The following RBFOX1 variants were observed in gnomAD, a reference collection of about 807,000 sequenced individuals.
The protein encoded by RBFOX1 is RNA binding protein fox-1 homolog 1.
A neutral mutation model predicts 57.7 loss-of-function variants in RBFOX1; 8 were observed. That is an observed-to-expected ratio of 0.14 (90% CI 0.08 to 0.25). The LOEUF (loss-of-function observed/expected upper bound fraction) is 0.25. Ranked by LOEUF, RBFOX1 falls within the 10% of genes least tolerant of loss-of-function variation. RBFOX1 has a pLI of 1.00. For missense variants in RBFOX1, 611 were observed against 548.5 expected (o/e 1.11, Z -1.14); for synonymous variants, 326 against 222.4 (o/e 1.47, Z -4.15).
chr16:6,777,110 G>T (rs2079508755), intron 3 of RBFOX1, among the ~76,000 whole-genome samples: 1 of 152,108 alleles, frequency 6.6e-6, no homozygotes, highest in African/African-American at 2.4e-5. Context: ...TAAAATACGA[G>T]TCTTGGGATT....
intron 1 of RBFOX1, among the ~76,000 whole-genome samples, chr16:5,255,254 C>G (rs1596315374): frequency 6.6e-6 from 1 of 151,926 alleles, no homozygotes; most frequent in South Asian, 2.1e-4. Flanking sequence ...TCACTCAATT[C>G]TTTGGAGGAC....
chr16:6,442,476 G>C (rs1474726795), intron 2 of RBFOX1, among the ~76,000 whole-genome samples: 1 of 151,988 alleles, frequency 6.6e-6, no homozygotes, highest in Non-Finnish European at 1.5e-5. Context: ...AGAATCGCTT[G>C]AGCCTGGGAA....
intron 3 of RBFOX1, among the ~76,000 whole-genome samples, chr16:5,866,575 G>T (rs186170387): frequency 2.9e-4 from 44 of 152,316 alleles, no homozygotes; most frequent in African/African-American, 8.9e-4. Flanking sequence ...GATGAACAAT[G>T]TTGGGAGGTG....
In RBFOX1 at chr16:5,798,647, A is replaced by G. The variant is rs189383226; in HGVS notation, c.319-68656A>G. ...CTCACCTATATGCCTGTCTCCATGA[A>G]ATATATGTGTGTCAAATGGGACTTA... On this transcript the variant is annotated intron_variant, in intron 3 of 19. Transcript: ENST00000641259. Among the ~76,000 whole-genome samples, 8 of 152,298 alleles carry G rather than the reference A, an allele frequency of 5.3e-5. No individual in the cohort carries two copies. In the East Asian group the frequency reaches 1.5e-3, roughly 29 times the overall value.
At chr16:6,916,231 C>G (rs867825107) in intron 3 of RBFOX1, among the ~76,000 whole-genome samples, 2 of 152,104 alleles carry the variant, frequency 1.3e-5, no homozygotes, top group South Asian at 2.1e-4. Context: ...TGGGACTGAT[C>G]AGAAGTCAAT....
At chr16:5,693,189 C>A (rs995396274) in intron 3 of RBFOX1, among the ~76,000 whole-genome samples, 1 of 152,084 alleles carries the variant, frequency 6.6e-6, no homozygotes. Context: ...GATGATACAT[C>A]TCTTCTCTCC....
intron 4 of RBFOX1, among the ~76,000 whole-genome samples, chr16:7,379,225 G>A (rs2097742501): frequency 6.6e-6 from 1 of 152,088 alleles, no homozygotes; most frequent in Non-Finnish European, 1.5e-5. Flanking sequence ...ACTGAATGAC[G>A]TTTAGCTTTT....
intron 2 of RBFOX1, among the ~76,000 whole-genome samples, chr16:6,455,184 C>T (rs1271727709): frequency 2.0e-5 from 3 of 152,064 alleles, no homozygotes; most frequent in South Asian, 2.1e-4. Flanking sequence ...TGAGCCGCCA[C>T]GCCTGGCCTA....
chr16:7,708,384 A>C (rs1381190512), intron 14 of RBFOX1, among the ~76,000 whole-genome samples: 1 of 152,216 alleles, frequency 6.6e-6, no homozygotes, highest in East Asian at 1.9e-4. Context: ...CACAAAGATG[A>C]GTAAATGTCA....
At chr16:6,959,137 CT>C (rs1417867864) in intron 3 of RBFOX1, among the ~76,000 whole-genome samples, 1 of 152,074 alleles carries the variant, frequency 6.6e-6, no homozygotes, top group African/African-American at 2.4e-5. Flanking sequence ...TTAAAATCCA[CT>C]TTTTCAGACT....
chr16:6,462,701 C>A (rs181556302), intron 2 of RBFOX1, among the ~76,000 whole-genome samples: 227 of 151,534 alleles, frequency 1.5e-3, no homozygotes, highest in Non-Finnish European at 2.7e-3. Flanking sequence ...TTTTACCCCC[C>A]ACCGCCCCCC....
At chr16:7,083,337 A>T (rs116890169) in intron 4 of RBFOX1, among the ~76,000 whole-genome samples, 1,630 of 151,994 alleles carry the variant, frequency 0.011, 15 homozygotes, top group Non-Finnish European at 0.016. Flanking sequence ...GGCGAATCTC[A>T]TTCCTTGCAG....
At chr16:5,800,923 G>C (rs906324171) in intron 3 of RBFOX1, among the ~76,000 whole-genome samples, 20 of 152,284 alleles carry the variant, frequency 1.3e-4, no homozygotes, top group African/African-American at 4.8e-4. Context: ...CATGAGGACA[G>C]ATGGAATCTG....
intron 3 of RBFOX1, among the ~76,000 whole-genome samples, chr16:5,779,409 C>T (rs956725530): frequency 5.3e-5 from 8 of 152,202 alleles, no homozygotes; most frequent in African/African-American, 1.9e-4. Context: ...GTAGCTGGTG[C>T]TATACAATTC....
At chr16:7,034,666 T>A (rs1308673025) in intron 3 of RBFOX1, among the ~76,000 whole-genome samples, 1 of 151,402 alleles carries the variant, frequency 6.6e-6, no homozygotes, top group Non-Finnish European at 1.5e-5. Flanking sequence ...GGGCCCTCTT[T>A]ATTGGGGAGC....
intron 2 of RBFOX1, among the ~76,000 whole-genome samples, chr16:5,515,955 A>T (rs903535805): frequency 1.3e-5 from 2 of 152,214 alleles, no homozygotes; most frequent in African/African-American, 4.8e-5. Context: ...GGAGGCCCAG[A>T]ATAGTGCCAC....
chr16:6,661,277 A>G (rs941333542), intron 3 of RBFOX1, among the ~76,000 whole-genome samples: 1 of 152,206 alleles, frequency 6.6e-6, no homozygotes, highest in Non-Finnish European at 1.5e-5. Flanking sequence ...AAGAGCTCCC[A>G]TGTGCCTAAT....
intron 3 of RBFOX1, among the ~76,000 whole-genome samples, chr16:5,782,213 A>G (rs74420301): frequency 0.016 from 2,460 of 152,328 alleles, 82 homozygotes; most frequent in African/African-American, 0.056. Flanking sequence ...TCAAGCACAG[A>G]AACACATTTC....
intron 2 of RBFOX1, among the ~76,000 whole-genome samples, chr16:5,587,338 A>T (rs1353287123): frequency 6.6e-6 from 1 of 152,260 alleles, no homozygotes; most frequent in Admixed American, 6.5e-5. Context: ...GATGCTCGAC[A>T]TCGTCAGTCA....
Sources: allele counts gnomAD v4.1 joint callset (sites outside exome capture counted in the v4.1 genomes callset), GRCh38; gene constraint gnomAD v4.1.1; transcripts MANE v1.5; gene names NCBI Gene and HGNC (gene_info 2026-07-23, HGNC 2026-07-21).